Variants in PCLO observed in about 807,000 individuals in gnomAD.
PCLO encodes the protein piccolo presynaptic cytomatrix protein.
Under a neutral mutation model 427.5 loss-of-function variants are expected in PCLO, and 82 were observed. That is an observed-to-expected ratio of 0.19 (90% CI 0.16 to 0.23). The LOEUF is 0.23. PCLO is among the 10% of genes least tolerant of loss of function. The pLI, the probability that PCLO is intolerant of heterozygous loss-of-function variation, is 1.00. For synonymous variants in PCLO, 2,357 were observed against 2,155.4 expected, an observed-to-expected ratio of 1.09 and a Z score of -2.59; for missense variants, 6,239 against 6,115.9, an observed-to-expected ratio of 1.02 and a Z score of -0.67.
rs114032418 is a variant in PCLO at position 82,906,467 on chromosome 7, G to T, written c.13437+2410C>A. Among the ~76,000 whole-genome samples, 782 of 152,056 alleles carry T rather than the reference G, an allele frequency of 5.1e-3. 7 individuals are homozygous for T. Among genetic ancestry groups the T allele is most frequent in the African/African-American group, 0.018 (745 of 41,524 alleles). ...ATATAGTTATGATGAGTTAAAGAGGGAGACAGTATTTGAAGATAAATATTA... is the reference window on the plus strand; with the variant it reads ...ATATAGTTATGATGAGTTAAAGAGGTAGACAGTATTTGAAGATAAATATTA... On this transcript the variant is annotated intron_variant, in intron 8 of 24. Coordinates refer to ENST00000333891, the MANE Select transcript of PCLO (RefSeq NM_033026.6).
intron 10 of PCLO, among the ~76,000 whole-genome samples, chr7:82,849,603 C>T (rs1792596211): frequency 6.6e-6 from 1 of 152,130 alleles, no homozygotes; most frequent in East Asian, 1.9e-4. Context: ...TATAACAAAT[C>T]GCTCCTTATT....
At chr7:83,015,767 C>A (rs1279009978) in intron 3 of PCLO, among the ~76,000 whole-genome samples, 2 of 152,084 alleles carry the variant, frequency 1.3e-5, no homozygotes, top group African/African-American at 4.8e-5. Flanking sequence ...TATTTTACTA[C>A]ATTACAAATT....
At chr7:83,144,477 G>A (rs1791943456) in intron 2 of PCLO, among the ~76,000 whole-genome samples, 1 of 151,962 alleles carries the variant, frequency 6.6e-6, no homozygotes, top group Admixed American at 6.6e-5. Context: ...TCTATAAAAA[G>A]AATGTTCATA....
At chr7:83,106,362 C>G (rs1790855968) in intron 3 of PCLO, among the ~76,000 whole-genome samples, 1 of 152,140 alleles carries the variant, frequency 6.6e-6, no homozygotes, top group African/African-American at 2.4e-5. Flanking sequence ...TTCTGGAAAA[C>G]CAAAACAATA....
chr7:83,084,113 G>A (rs947458771), intron 3 of PCLO, among the ~76,000 whole-genome samples: 16 of 151,992 alleles, frequency 1.1e-4, no homozygotes, highest in Admixed American at 3.9e-4. Flanking sequence ...CTGACAACAC[G>A]CAATTCTAGA....
chr7:82,946,527 T>C lies in PCLO; in HGVS notation c.11112+2949A>G, dbSNP rs145043550. Among the ~76,000 whole-genome samples, 1,376 of 152,232 alleles carry C rather than the reference T, an allele frequency of 9.0e-3. 21 individuals carry two copies. Among genetic ancestry groups the C allele is most frequent in the African/African-American group, 0.032 (1,323 of 41,530 alleles). ...TAGAGAACAAATTAAGAAAAGTCTC[T>C]CTGTGGAGGTAAAATTTGAGCAGAA... On this transcript the variant is annotated intron_variant, in intron 6 of 24. Coordinates refer to ENST00000333891, the MANE Select transcript of PCLO (RefSeq NM_033026.6).
chr7:83,047,267 T>C (rs1183497439), intron 3 of PCLO, among the ~76,000 whole-genome samples: 1 of 152,046 alleles, frequency 6.6e-6, no homozygotes, highest in Non-Finnish European at 1.5e-5. Context: ...GAATTGCTTA[T>C]CATCTACCTA....
At chr7:82,778,244 T>C (rs1790796650) in intron 22 of PCLO, among the ~76,000 whole-genome samples, 1 of 152,134 alleles carries the variant, frequency 6.6e-6, no homozygotes, top group South Asian at 2.1e-4. Context: ...ATAATGGCTC[T>C]TATTAAAAAG....
chr7:82,796,469 C>A (rs1004829765), intron 22 of PCLO, among the ~76,000 whole-genome samples: 1 of 152,052 alleles, frequency 6.6e-6, no homozygotes, highest in South Asian at 2.1e-4. Flanking sequence ...GTTCTTCAGT[C>A]TGAACTTGGC....
chr7:83,137,556 G>A (rs919369617), intron 2 of PCLO, among the ~76,000 whole-genome samples: 5 of 152,000 alleles, frequency 3.3e-5, no homozygotes, highest in Non-Finnish European at 5.9e-5. Context: ...TCAGCCTCCC[G>A]GGTAGCTGGG....
At chr7:83,059,984 C>T (rs576230502) in intron 3 of PCLO, among the ~76,000 whole-genome samples, 4 of 152,224 alleles carry the variant, frequency 2.6e-5, no homozygotes, top group Non-Finnish European at 5.9e-5. Flanking sequence ...TAATGATTTC[C>T]GTGGCTTCTA....
chr7:83,069,799 C>CACACACACA lies in PCLO; in HGVS notation c.3300+64450_3300+64451insTGTGTGTGT, dbSNP rs1554390633. Among the ~76,000 whole-genome samples, 57 of 75,518 alleles carry CACACACACA rather than the reference C, an allele frequency of 7.5e-4. 1 individual carries two copies. Among genetic ancestry groups the CACACACACA allele is most frequent in the African/African-American group, 2.8e-3 (50 of 17,740 alleles). 49.5% of individuals were successfully genotyped at this position (75,518 alleles called of 152,430 possible). A position where few individuals can be genotyped will look rare whatever the true frequency, so the allele number is the denominator to read the frequency against. On this transcript the variant is annotated intron_variant, in intron 3 of 24. Coordinates refer to ENST00000333891, the MANE Select transcript of PCLO (RefSeq NM_033026.6). ...CACCTCCCCCACCCCACCCCCCCGCCCACACACACACACACACACACACAC... is the reference window on the plus strand; with the variant it reads ...CACCTCCCCCACCCCACCCCCCCGCCACACACACACACACACACACACACACACACACAC...
intron 22 of PCLO, among the ~76,000 whole-genome samples, chr7:82,764,427 C>A (rs1562775165): frequency 6.6e-6 from 1 of 151,716 alleles, no homozygotes; most frequent in African/African-American, 2.4e-5. Context: ...AAATAAAATG[C>A]AGAGTTGAGA....
At chr7:83,030,130 A>G (rs942062121) in intron 3 of PCLO, among the ~76,000 whole-genome samples, 20 of 145,934 alleles carry the variant, frequency 1.4e-4, no homozygotes, top group African/African-American at 3.9e-4. Context: ...AAAAAAAAAA[A>G]AAAAGAAAAG....
In PCLO at chr7:82,761,422, T is replaced by C. The variant is rs753113921; in HGVS notation, c.15079A>G (p.Ile5027Val). 1.2e-5 allele frequency: 19 copies of C among 1,573,110 alleles called. No individual in the cohort carries two copies. The Admixed American group carries it at 1.4e-4, about 11-fold the overall frequency. The change falls in exon 23 of 25, where the codon ATA (isoleucine) becomes GTA (valine). Residue 5027 changes from isoleucine to valine, a missense_variant. Transcript: ENST00000333891. ...KEMKTDGEQL[I>V]VEILQCRNIT... The stretch of plus-strand genomic sequence containing the variant: ...TTTCTGCATTGGAGAATTTCAACTA[T>C]TAGTTGTTCACCATCTGTCTTCATT...
At chr7:82,978,826 G>T (rs976434961) in intron 3 of PCLO, among the ~76,000 whole-genome samples, 2 of 140,624 alleles carry the variant, frequency 1.4e-5, no homozygotes, top group Admixed American at 1.5e-4. Context: ...CAAAGCTCCA[G>T]GAACAAGAAA....
chr7:83,041,255 G>A (rs774984889), intron 3 of PCLO, among the ~76,000 whole-genome samples: 18 of 152,224 alleles, frequency 1.2e-4, no homozygotes, highest in Admixed American at 4.6e-4. Context: ...GATTCAGTCA[G>A]ACATACGAAA....
chr7:82,857,907 T>C (rs751252589), intron 10 of PCLO, among the ~76,000 whole-genome samples: 12 of 152,108 alleles, frequency 7.9e-5, no homozygotes, highest in Non-Finnish European at 1.8e-4. Context: ...TTGTTATGTA[T>C]AAAAATGTTA....
intron 3 of PCLO, among the ~76,000 whole-genome samples, chr7:83,026,583 C>G (rs1362580984): frequency 6.6e-6 from 1 of 150,816 alleles, no homozygotes; most frequent in Non-Finnish European, 1.5e-5. Context: ...AGGAATTGAA[C>G]TCAGCTCTGC....
Sources: gnomAD v4.1 joint callset for allele counts (sites outside exome capture counted in the v4.1 genomes callset) on GRCh38, gnomAD v4.1.1 for gene constraint, MANE v1.5 for transcripts, NCBI Gene and HGNC (gene_info 2026-07-23, HGNC 2026-07-21) for gene names.